The following GLIS3 variants were observed in gnomAD, a reference collection of about 807,000 sequenced individuals.
The protein encoded by GLIS3 is zinc finger protein GLIS3.
GLIS3 carries 53 observed loss-of-function variants against 78.6 expected under a neutral mutation model. That is an observed-to-expected ratio of 0.67 (90% CI 0.54 to 0.85). The LOEUF is 0.85. Among genes scored for constraint, GLIS3 ranks in the 40% least tolerant of loss-of-function variants. GLIS3 has a pLI of 0.00. For missense variants in GLIS3, 1,703 were observed against 1,231.1 expected (o/e 1.38, Z -5.74); for synonymous variants, 684 against 509.9 (o/e 1.34, Z -4.60).
At chr9:4,167,676 G>A (rs1176602027) in intron 2 of GLIS3, among the ~76,000 whole-genome samples, 3 of 152,198 alleles carry the variant, frequency 2.0e-5, no homozygotes, top group Non-Finnish European at 4.4e-5. Context: ...ACAAGTGGCA[G>A]TATCGAGACT....
At chr9:4,040,432 C>T (rs371092365) in intron 4 of GLIS3, among the ~76,000 whole-genome samples, 3 of 152,166 alleles carry the variant, frequency 2.0e-5, no homozygotes, top group Non-Finnish European at 4.4e-5. Context: ...CAATAACAAA[C>T]TATTACAGCG....
At chr9:4,430,796 A>T in the GLIS3 span, among the ~76,000 whole-genome samples, 1 of 152,220 alleles carries the variant, frequency 6.6e-6, no homozygotes, top group African/African-American at 2.4e-5. Context: ...ACTTAATTCA[A>T]ATTCCAACTA....
chr9:4,191,863 GA>G (rs1818362495), intron 2 of GLIS3, among the ~76,000 whole-genome samples: 1 of 151,874 alleles, frequency 6.6e-6, no homozygotes, highest in Admixed American at 6.6e-5. Flanking sequence ...AATGAAGAGA[GA>G]AAGAAAAATT....
At chr9:3,953,789 CTCTCTCTA>C (rs1220652214) in intron 4 of GLIS3, among the ~76,000 whole-genome samples, 2,095 of 44,880 alleles carry the variant, frequency 0.047, 19 homozygotes, top group East Asian at 0.14. Flanking sequence ...CTCTCTCTCT[CTCTCTCTA>C]TATATATATA....
chr9:4,064,653 G>C (rs911364647), intron 4 of GLIS3, among the ~76,000 whole-genome samples: 3 of 151,824 alleles, frequency 2.0e-5, no homozygotes, highest in African/African-American at 7.2e-5. Flanking sequence ...AAAATGCCTG[G>C]TGTTGTGGCG....
intron 4 of GLIS3, among the ~76,000 whole-genome samples, chr9:4,054,047 A>G (rs943580560): frequency 6.6e-6 from 1 of 152,254 alleles, no homozygotes; most frequent in Admixed American, 6.5e-5. Flanking sequence ...ATGAGAAAGA[A>G]GAACAAATAA....
At chr9:4,402,489 G>A in the GLIS3 span, among the ~76,000 whole-genome samples, 1 of 152,140 alleles carries the variant, frequency 6.6e-6, no homozygotes. Context: ...TAAGGCAATA[G>A]GGAACAATCC....
the GLIS3 span, among the ~76,000 whole-genome samples, chr9:4,394,042 A>G: frequency 5.9e-5 from 9 of 152,050 alleles, no homozygotes; most frequent in Admixed American, 2.6e-4. Flanking sequence ...TGCTGAACCC[A>G]GTTCCATTAA....
chr9:3,991,839 T>C (rs532388989), intron 4 of GLIS3, among the ~76,000 whole-genome samples: 123 of 152,050 alleles, frequency 8.1e-4, no homozygotes, highest in South Asian at 6.3e-4. Context: ...TACAGGCGCC[T>C]GCAACCATGC....
chr9:3,824,579 A>G lies in GLIS3; in HGVS notation c.*3693T>C, dbSNP rs1343670480. ...ACAAGACAAAATAACTTATGATTAT[A>G]TGAAACATAACTGTGACAAATCACA... is the stretch of plus-strand genomic sequence containing the variant. On this transcript the variant is annotated 3_prime_UTR_variant, in exon 11 of 11. Transcript: ENST00000381971. 1 of 152,462 alleles carries G rather than the reference A, an allele frequency of 6.6e-6. No individual in the cohort carries two copies. The highest frequency in any genetic ancestry group is 1.5e-5 in the Non-Finnish European group (1 of 68,044). 9.4% of individuals were successfully genotyped at this position (152,462 alleles called of 1,614,324 possible).
At chr9:4,292,229 G>A (rs946280320) in intron 1 of GLIS3, among the ~76,000 whole-genome samples, 4 of 152,160 alleles carry the variant, frequency 2.6e-5, no homozygotes, top group Non-Finnish European at 5.9e-5. Flanking sequence ...GTTCAACGGA[G>A]AAAGCATTAT....
the GLIS3 span, among the ~76,000 whole-genome samples, chr9:4,483,526 T>G: frequency 1.3e-5 from 2 of 152,110 alleles, no homozygotes; most frequent in African/African-American, 4.8e-5. Flanking sequence ...GAGACCAGCC[T>G]GACCAACATG....
chr9:3,885,878 C>A lies in GLIS3; in HGVS notation c.2129-6283G>T, dbSNP rs1236539069. Among the ~76,000 whole-genome samples, 4 of 152,176 alleles carry A rather than the reference C, an allele frequency of 2.6e-5. No homozygotes were observed. The South Asian group carries it at 8.3e-4, about 32-fold the overall frequency. On this transcript the variant is annotated intron_variant, in intron 7 of 10. Coordinates refer to ENST00000381971, the MANE Select transcript of GLIS3 (RefSeq NM_001042413.2). ...GCATACACAATGTGAGACAGATAGA[C>A]CTGAATTAGAATCTTAGCCTTAGCT... is the stretch of plus-strand genomic sequence containing the variant.
At chr9:4,103,598 C>T (rs567267457) in intron 4 of GLIS3, among the ~76,000 whole-genome samples, 36 of 152,296 alleles carry the variant, frequency 2.4e-4, no homozygotes, top group African/African-American at 8.4e-4. Context: ...TGGACTCTGT[C>T]ATCCCCATGT....
At chr9:4,195,709 G>A (rs950445045) in intron 2 of GLIS3, among the ~76,000 whole-genome samples, 16 of 152,282 alleles carry the variant, frequency 1.1e-4, no homozygotes, top group East Asian at 3.8e-4. Context: ...GCCACAGCGC[G>A]GGATCCACTA....
chr9:4,261,443 A>C (rs987036596), intron 2 of GLIS3, among the ~76,000 whole-genome samples: 3 of 152,316 alleles, frequency 2.0e-5, no homozygotes, highest in East Asian at 1.9e-4. Flanking sequence ...GTATGAATGG[A>C]AACATGGAGA....
intron 2 of GLIS3, among the ~76,000 whole-genome samples, chr9:4,320,681 CCATCACCA>C (rs1817510674): frequency 6.6e-6 from 1 of 152,044 alleles, no homozygotes; most frequent in African/African-American, 2.4e-5. Context: ...ATCACCACCG[CCATCACCA>C]CATCACCACT....
chr9:4,071,670 A>G (rs758198974), intron 4 of GLIS3: 9 of 152,200 alleles, frequency 5.9e-5, no homozygotes, highest in Non-Finnish European at 1.3e-4. Flanking sequence ...AGCTCTTACT[A>G]TTACATGTCT....
At chr9:4,379,931 A>C in the GLIS3 span, among the ~76,000 whole-genome samples, 1 of 152,026 alleles carries the variant, frequency 6.6e-6, no homozygotes, top group Non-Finnish European at 1.5e-5. Context: ...ACCAAAAAAA[A>C]AGGAGGTCTG....
Sources: allele counts gnomAD v4.1 joint callset (sites outside exome capture counted in the v4.1 genomes callset), GRCh38; gene constraint gnomAD v4.1.1; transcripts MANE v1.5; gene names NCBI Gene and HGNC (gene_info 2026-07-23, HGNC 2026-07-21).